LRRC4C: variants seen among roughly 807,000 people sequenced by gnomAD.
LRRC4C encodes the protein leucine rich repeat containing 4C.
Under a neutral mutation model 33.6 loss-of-function variants are expected in LRRC4C, and 5 were observed. The ratio of observed to expected loss-of-function variants is 0.15; its 90% CI spans 0.08 to 0.31. The LOEUF is 0.31. LRRC4C is among the 10% of genes least tolerant of loss of function. The pLI, the probability that LRRC4C is intolerant of heterozygous loss-of-function variation, is 1.00. For synonymous variants in LRRC4C, 329 were observed against 302.0 expected (o/e 1.09, Z -0.93); for missense variants, 560 against 796.7 (o/e 0.70, Z 3.58).
chr11:41,268,891 A>G (rs2136815193), intron 1 of LRRC4C, among the ~76,000 whole-genome samples: 1 of 152,110 alleles, frequency 6.6e-6, no homozygotes, highest in South Asian at 2.1e-4. Context: ...ACAGAAAAAG[A>G]CAAAATACAG....
At chr11:41,000,951 C>G (rs192164454) in intron 1 of LRRC4C, among the ~76,000 whole-genome samples, 1 of 152,210 alleles carries the variant, frequency 6.6e-6, no homozygotes, top group African/African-American at 2.4e-5. Flanking sequence ...TGAGCAATTA[C>G]TCTGTGCCAA....
chr11:40,561,634 G>A (rs1045223326), intron 3 of LRRC4C, among the ~76,000 whole-genome samples: 2 of 151,470 alleles, frequency 1.3e-5, no homozygotes, highest in Non-Finnish European at 1.5e-5. Flanking sequence ...GGATGGTCTC[G>A]ATCTCCTGAC....
At chr11:40,473,784 T>A (rs1404266031) in intron 3 of LRRC4C, among the ~76,000 whole-genome samples, 4 of 152,034 alleles carry the variant, frequency 2.6e-5, no homozygotes, top group Admixed American at 6.6e-5. Context: ...TGGACAAAAA[T>A]CACAAGCATT....
intron 1 of LRRC4C, among the ~76,000 whole-genome samples, chr11:41,413,201 T>A (rs952897914): frequency 6.6e-6 from 1 of 152,150 alleles, no homozygotes; most frequent in Non-Finnish European, 1.5e-5. Flanking sequence ...ATGGAAAAAG[T>A]CTCAACATTC....
At chr11:40,499,516 T>C (rs1954637569) in intron 3 of LRRC4C, among the ~76,000 whole-genome samples, 2 of 152,240 alleles carry the variant, frequency 1.3e-5, no homozygotes, top group South Asian at 2.1e-4. Flanking sequence ...AGCCATAAAC[T>C]TGCCCATTAT....
intron 3 of LRRC4C, among the ~76,000 whole-genome samples, chr11:40,390,476 C>G (rs1949292002): frequency 6.6e-6 from 1 of 152,184 alleles, no homozygotes; most frequent in African/African-American, 2.4e-5. Context: ...AACCTAAAAT[C>G]TATCTAAGCT....
At chr11:40,960,866 T>A (rs1472933868) in intron 1 of LRRC4C, among the ~76,000 whole-genome samples, 1 of 151,712 alleles carries the variant, frequency 6.6e-6, no homozygotes, top group Non-Finnish European at 1.5e-5. Flanking sequence ...CAAAGGCATA[T>A]AATGACACTT....
At chr11:40,154,169 T>C (rs1171433193) in intron 5 of LRRC4C, among the ~76,000 whole-genome samples, 3 of 151,882 alleles carry the variant, frequency 2.0e-5, no homozygotes, top group Non-Finnish European at 4.4e-5. Flanking sequence ...AAGAATTTTG[T>C]ATCCAGCAAA....
chr11:40,722,281 GCTCCT>G (rs1269250995), intron 2 of LRRC4C, among the ~76,000 whole-genome samples: 3 of 151,842 alleles, frequency 2.0e-5, no homozygotes, highest in Non-Finnish European at 4.4e-5. Context: ...GTCATCTCTC[GCTCCT>G]CTCCTCTCCT....
chr11:40,244,757 A>ATGTTATGTAAAGAGAGATT, intron 4 of LRRC4C, among the ~76,000 whole-genome samples: 1 of 151,870 alleles, frequency 6.6e-6, no homozygotes. Flanking sequence ...CCTGAAGTAC[A>ATGTTATGTAAAGAGAGATT]CGTTATGTAA....
At chr11:40,583,712 A>C (rs1318506626) in intron 3 of LRRC4C, among the ~76,000 whole-genome samples, 1 of 151,904 alleles carries the variant, frequency 6.6e-6, no homozygotes, top group Admixed American at 6.6e-5. Context: ...TTGCTCACCG[A>C]TCTCATCATA....
intron 2 of LRRC4C, among the ~76,000 whole-genome samples, chr11:40,749,177 C>T (rs1948568956): frequency 6.6e-6 from 1 of 152,074 alleles, no homozygotes. Context: ...ACATATTCTT[C>T]TCATCAGTAC....
intron 3 of LRRC4C, among the ~76,000 whole-genome samples, chr11:40,581,115 G>C (rs143865657): frequency 6.6e-6 from 1 of 152,162 alleles, no homozygotes; most frequent in African/African-American, 2.4e-5. Flanking sequence ...CTCTGAAACC[G>C]TTATCTTTGG....
chr11:40,704,950 T>C (rs1419973649), intron 2 of LRRC4C, among the ~76,000 whole-genome samples: 2 of 152,126 alleles, frequency 1.3e-5, no homozygotes, highest in Non-Finnish European at 2.9e-5. Flanking sequence ...TTGATATTAA[T>C]ATTAAATGTA....
At chr11:40,882,193 T>A (rs948765214) in intron 2 of LRRC4C, among the ~76,000 whole-genome samples, 3 of 152,120 alleles carry the variant, frequency 2.0e-5, no homozygotes, top group Non-Finnish European at 4.4e-5. Context: ...AGCTTGCTGC[T>A]CTACACAACC....
intron 5 of LRRC4C, among the ~76,000 whole-genome samples, chr11:40,201,344 GTTTTGT>G (rs774283940): frequency 4.7e-4 from 71 of 152,180 alleles, no homozygotes; most frequent in African/African-American, 8.2e-4. Context: ...CTGGCTCACT[GTTTTGT>G]TTTTGTTTTT....
At chr11:40,879,530 G>A (rs1377311517) in intron 2 of LRRC4C, among the ~76,000 whole-genome samples, 1 of 152,116 alleles carries the variant, frequency 6.6e-6, no homozygotes, top group East Asian at 1.9e-4. Context: ...CTCTGTCCTC[G>A]AAGAGCTCAC....
intron 2 of LRRC4C, among the ~76,000 whole-genome samples, chr11:40,752,734 TA>T (rs1948754160): frequency 6.6e-6 from 1 of 151,938 alleles, no homozygotes; most frequent in Non-Finnish European, 1.5e-5. Context: ...AAAACTAAAA[TA>T]GAACTACCAT....
At chr11:40,746,972 G>A (rs956577039) in intron 2 of LRRC4C, among the ~76,000 whole-genome samples, 2 of 152,206 alleles carry the variant, frequency 1.3e-5, no homozygotes, top group African/African-American at 2.4e-5. Flanking sequence ...AGGGGCCTGA[G>A]AGCCTTCCCT....
Sources: allele counts gnomAD v4.1 joint callset (sites outside exome capture counted in the v4.1 genomes callset), GRCh38; gene constraint gnomAD v4.1.1; transcripts MANE v1.5; gene names NCBI Gene and HGNC (gene_info 2026-07-23, HGNC 2026-07-21).